Variants in GPR158 observed in about 807,000 individuals in gnomAD.
GPR158 encodes the protein metabotropic glycine receptor.
A neutral mutation model predicts 78.2 loss-of-function variants in GPR158; 30 were observed. That is an observed-to-expected ratio of 0.38 (90% confidence interval 0.29 to 0.52). The LOEUF (loss-of-function observed/expected upper bound fraction) is 0.52. GPR158 is among the 20% of genes least tolerant of loss of function. The probability of loss-of-function intolerance (pLI) is 0.83; values close to 1 mark genes in which losing one functional copy is unlikely to be tolerated. For missense variants in GPR158, 1,463 were observed against 1,523.5 expected (o/e 0.96, Z 0.66); for synonymous variants, 581 against 591.1 (o/e 0.98, Z 0.25).
At chr10:25,443,090 A>AT (rs5783931) in intron 4 of GPR158, among the ~76,000 whole-genome samples, 40,925 of 148,694 alleles carry the variant, frequency 0.28, 6,462 homozygotes, top group African/African-American at 0.45. Flanking sequence ...CCACCCCACT[A>AT]TTTTTTTTTT....
intron 2 of GPR158, among the ~76,000 whole-genome samples, chr10:25,347,649 T>C (rs150219379): frequency 9.2e-5 from 14 of 152,204 alleles, no homozygotes; most frequent in Admixed American, 7.2e-4. Context: ...AGATACTCTT[T>C]GTAGGGTATA....
At chr10:25,337,640 G>C (rs1219236464) in intron 2 of GPR158, among the ~76,000 whole-genome samples, 4 of 151,964 alleles carry the variant, frequency 2.6e-5, no homozygotes, top group Non-Finnish European at 4.4e-5. Flanking sequence ...ATACATTTCT[G>C]TTGAGTAAAT....
intron 2 of GPR158, among the ~76,000 whole-genome samples, chr10:25,320,234 G>A (rs762343037): frequency 6.6e-6 from 1 of 152,104 alleles, no homozygotes; most frequent in Non-Finnish European, 1.5e-5. Context: ...ACTTGTGATT[G>A]TCCTCCTTTT....
At chr10:25,590,716 A>T (rs575073430) in intron 8 of GPR158, among the ~76,000 whole-genome samples, 1 of 152,212 alleles carries the variant, frequency 6.6e-6, no homozygotes, top group Non-Finnish European at 1.5e-5. Context: ...ACCAGTAAGA[A>T]GGCTTCTCAG....
intron 5 of GPR158, among the ~76,000 whole-genome samples, chr10:25,548,461 A>G (rs1836691740): frequency 6.6e-6 from 1 of 152,212 alleles, no homozygotes; most frequent in South Asian, 2.1e-4. Context: ...TACTTATTGA[A>G]TACTCATTGT....
intron 4 of GPR158, among the ~76,000 whole-genome samples, chr10:25,460,278 T>G (rs2130611105): frequency 6.6e-6 from 1 of 152,160 alleles, no homozygotes; most frequent in African/African-American, 2.4e-5. Flanking sequence ...CTGGGCTCAC[T>G]GCAACCTCTG....
intron 2 of GPR158, among the ~76,000 whole-genome samples, chr10:25,355,050 T>C (rs903967212): frequency 3.3e-5 from 5 of 152,064 alleles, no homozygotes; most frequent in African/African-American, 9.7e-5. Context: ...TTGGATTAAA[T>C]CTGTTTGGTG....
intron 4 of GPR158, among the ~76,000 whole-genome samples, chr10:25,451,630 A>G (rs1327922087): frequency 6.6e-6 from 1 of 152,186 alleles, no homozygotes; most frequent in Non-Finnish European, 1.5e-5. Flanking sequence ...GAGTAATACC[A>G]GTGTGTAATG....
At chr10:25,505,187 T>C (rs1351208977) in intron 5 of GPR158, among the ~76,000 whole-genome samples, 1 of 152,228 alleles carries the variant, frequency 6.6e-6, no homozygotes, top group African/African-American at 2.4e-5. Flanking sequence ...AGCCTTTTTG[T>C]GTATTTTCTG....
At chr10:25,251,593 G>C (rs1244560397) in intron 2 of GPR158, among the ~76,000 whole-genome samples, 6 of 150,302 alleles carry the variant, frequency 4.0e-5, no homozygotes, top group Non-Finnish European at 8.9e-5. Context: ...GGCTGGATAT[G>C]AAATTCTGGG....
intron 2 of GPR158, among the ~76,000 whole-genome samples, chr10:25,360,880 C>T (rs1855628496): frequency 6.6e-6 from 1 of 151,992 alleles, no homozygotes; most frequent in African/African-American, 2.4e-5. Flanking sequence ...GATATTGATT[C>T]TTCCTATCCA....
intron 5 of GPR158, among the ~76,000 whole-genome samples, chr10:25,528,417 T>TA (rs992870046): frequency 2.6e-5 from 4 of 152,028 alleles, no homozygotes; most frequent in Non-Finnish European, 4.4e-5. Flanking sequence ...TTGGGTACAT[T>TA]AAAAAACCTG....
chr10:25,418,042 C>T (rs187255853), intron 4 of GPR158, among the ~76,000 whole-genome samples: 3 of 152,200 alleles, frequency 2.0e-5, no homozygotes, highest in African/African-American at 7.2e-5. Flanking sequence ...ATAGGAAAAC[C>T]AATAACAATG....
intron 5 of GPR158, among the ~76,000 whole-genome samples, chr10:25,530,380 G>T (rs1245459114): frequency 6.6e-6 from 1 of 152,164 alleles, no homozygotes; most frequent in Non-Finnish European, 1.5e-5. Flanking sequence ...TGTAAGAGCA[G>T]CTCAAAATGA....
At chr10:25,378,751 G>A (rs1228795527) in intron 2 of GPR158, among the ~76,000 whole-genome samples, 1 of 151,964 alleles carries the variant, frequency 6.6e-6, no homozygotes, top group East Asian at 1.9e-4. Flanking sequence ...TAAGATATCA[G>A]CACCATTTAA....
chr10:25,370,983 A>T (rs1159358298), intron 2 of GPR158, among the ~76,000 whole-genome samples: 1 of 147,696 alleles, frequency 6.8e-6, no homozygotes, highest in Non-Finnish European at 1.5e-5. Flanking sequence ...AGAGACTAGG[A>T]TTGCAACCCC....
chr10:25,500,928 C>A (rs189662977), intron 5 of GPR158, among the ~76,000 whole-genome samples: 104 of 152,258 alleles, frequency 6.8e-4, no homozygotes, highest in East Asian at 1.7e-3. Context: ...TTGGAGGTCT[C>A]CAGCTATGTT....
chr10:25,225,078 G>T (rs572904385), intron 2 of GPR158, among the ~76,000 whole-genome samples: 5 of 152,044 alleles, frequency 3.3e-5, no homozygotes, highest in Admixed American at 3.3e-4. Context: ...GGCTTTGAAG[G>T]AATGGTTTTT....
At chr10:25,288,595 C>T (rs553625335) in intron 2 of GPR158, among the ~76,000 whole-genome samples, 11 of 152,216 alleles carry the variant, frequency 7.2e-5, no homozygotes, top group African/African-American at 1.4e-4. Context: ...TGGAGAGGAA[C>T]GTAATTTTCA....
Sources: allele counts gnomAD v4.1 joint callset (sites outside exome capture counted in the v4.1 genomes callset), GRCh38; gene constraint gnomAD v4.1.1; transcripts MANE v1.5; gene names NCBI Gene and HGNC (gene_info 2026-07-23, HGNC 2026-07-21).